DISP2: variants seen among roughly 807,000 people sequenced by gnomAD.
The protein encoded by DISP2 is protein dispatched homolog 2.
Under a neutral mutation model 95.5 loss-of-function variants are expected in DISP2, and 59 were observed. The ratio of observed to expected loss-of-function variants is 0.62; its 90% CI spans 0.50 to 0.77. The LOEUF is 0.77. Among genes scored for constraint, DISP2 ranks in the 30% least tolerant of loss-of-function variants. DISP2 has a pLI of 0.00. For synonymous variants in DISP2, 827 were observed against 815.0 expected (o/e 1.01, Z -0.25); for missense variants, 1,752 against 1,854.6 (o/e 0.94, Z 1.02).
rs1259867435 is a variant in DISP2, at chr15:40,368,087, C to T, written c.1975C>T (p.Arg659Trp). ...CGGCTGTGCGCGCCGGGCGCGGGGC[C>T]GGTGGGAGGGCAGCGCGCCCCGGCG... Reference protein sequence around the residue: ...ARGCARRARGRWEGSAPRRLL... With the variant: ...ARGCARRARGWWEGSAPRRLL... The change falls in exon 8 of 8, where the codon CGG becomes TGG. Residue 659 changes from arginine to tryptophan, a missense_variant. Around this residue, in one of 5 missense-constraint regions of DISP2, gnomAD observed 732 missense variants for 714.6 expected, o/e 1.02. Transcript: ENST00000267889. 2 of 1,367,202 alleles carry T rather than the reference C, an allele frequency of 1.5e-6. No individual in the cohort carries two copies. Among genetic ancestry groups the T allele is most frequent in the East Asian group, 3.0e-5 (1 of 32,902 alleles). The allele number at this position is 1,367,202 out of a possible 1,614,324, so 84.7% of individuals were successfully genotyped here. A position where few individuals can be genotyped will look rare whatever the true frequency, so the allele number is the denominator to read the frequency against.
In DISP2 at chr15:40,368,313, C is replaced by T; in HGVS notation, c.2201C>T (p.Pro734Leu). 1 of 1,604,246 alleles carries T rather than the reference C, an allele frequency of 6.2e-7. No individual in the cohort carries two copies. Among genetic ancestry groups the T allele is most frequent in the Non-Finnish European group, 8.5e-7 (1 of 1,176,856 alleles). ...CGCCTGCGGCTGCCCACGCTGCCGCCGCCCGGCGGCCAGGTCTTCCGGCCC... is the reference window on the plus strand; with the variant it reads ...CGCCTGCGGCTGCCCACGCTGCCGCTGCCCGGCGGCCAGGTCTTCCGGCCC... Reference protein sequence around the residue: ...SPRLRLPTLPPPGGQVFRPSH... With the variant: ...SPRLRLPTLPLPGGQVFRPSH... Residue 734 changes from proline (P) to leucine (L), a missense_variant, in exon 8 of 8, where the codon CCG (proline) becomes CTG (leucine). Physicochemically the swap from Pro to Leu is moderately conservative, Grantham distance 98. This residue lies in a region of DISP2 where 732 missense variants were observed against 714.6 expected (regional missense o/e 1.02). Transcript: ENST00000267889.
chr15:40,373,525 G>A lies in DISP2; in HGVS notation c.*3207G>A, dbSNP rs894660554. On this transcript the variant is annotated 3_prime_UTR_variant, in exon 8 of 8. Coordinates refer to ENST00000267889, the MANE Select transcript of DISP2 (RefSeq NM_033510.3). The stretch of plus-strand genomic sequence containing the variant: ...TTGAGACCAGCCTGGCCAACATGGT[G>A]AAACCCCGCCTCTACTAAAAATACA... 2 of 151,650 alleles carry A rather than the reference G, an allele frequency of 1.3e-5. No individual in the cohort carries two copies. The highest frequency in any genetic ancestry group is 4.8e-5 in the African/African-American group (2 of 41,244). The allele number at this position is 151,650 out of a possible 1,614,324, so 9.4% of individuals were successfully genotyped here.
chr15:40,361,286 A>C (rs1406936142), intron 1 of DISP2, among the ~76,000 whole-genome samples: 2 of 152,348 alleles, frequency 1.3e-5, no homozygotes, highest in East Asian at 3.9e-4. Flanking sequence ...AGAAGTTCTA[A>C]AATGGAGATA....
chr15:40,369,728 C>A lies in DISP2; in HGVS notation c.3616C>A (p.Arg1206=), dbSNP rs1353115233. The A allele has an allele frequency of 6.2e-7, 1 of 1,610,156 alleles. No homozygotes were observed. The highest frequency in any genetic ancestry group is 2.2e-5 in the East Asian group (1 of 44,876). The change falls in exon 8 of 8, where the codon CGG becomes AGG. Residue 1206 remains arginine, a synonymous_variant. Transcript: ENST00000267889. ...GCTCCATGATGGTCCGTGCTGTTCC[C>A]GGCCCCCACCAGCCCCTGCCTCCCC... The part of the protein sequence containing the change: ...LQLHDGPCCS[R]PPPAPASPRE...
In DISP2 at chr15:40,377,579, AGCAAGT is replaced by A. The variant is rs1889747950; in HGVS notation, c.*7263_*7268del. ...TTTCACGGAGGGAGAACCCAGGCAA[AGCAAGT>A]GACTCTGAGGTGAGGGGATAGCTGG... On this transcript the variant is annotated 3_prime_UTR_variant, in exon 8 of 8. Coordinates refer to ENST00000267889, the MANE Select transcript of DISP2 (RefSeq NM_033510.3). The A allele has an allele frequency of 6.6e-6, 1 of 152,354 alleles. No homozygotes were observed. The highest frequency in any genetic ancestry group is 2.4e-5 in the African/African-American group (1 of 41,440). 9.4% of individuals were successfully genotyped at this position (152,354 alleles called of 1,614,324 possible). A position where few individuals can be genotyped will look rare whatever the true frequency, so the allele number is the denominator to read the frequency against.
chr15:40,365,123 G>T, intron 5 of DISP2, 24 bp from the exon 6 acceptor site: 5 of 1,610,672 alleles, frequency 3.1e-6, no homozygotes, highest in Non-Finnish European at 4.2e-6. Context: ...ATGGTGCCTG[G>T]CATAGATATT....
chr15:40,361,405 C>T lies in DISP2; in HGVS notation c.120-2220C>T, dbSNP rs1390663662. On this transcript the variant is annotated intron_variant, in intron 1 of 7. Coordinates refer to ENST00000267889, the MANE Select transcript of DISP2 (RefSeq NM_033510.3). ...GGAAGGGGCAGGAAAGCAAACGTGTCTTCCACGTGACAGACCCTGTGCCAG... is the reference window on the plus strand; with the variant it reads ...GGAAGGGGCAGGAAAGCAAACGTGTTTTCCACGTGACAGACCCTGTGCCAG... 2.0e-5 allele frequency among the ~76,000 whole-genome samples: 3 copies of T among 152,380 alleles called. No individual in the cohort carries two copies. In the East Asian group the frequency reaches 5.8e-4, roughly 29 times the overall value.
Position 40,374,014 on chromosome 15 carries a change from A to AAAAAAAAAAAAAAAAAATAAATATATAT in DISP2, c.*3697_*3698insAAAAAAAAAAAAAAAATAAATATATATA. The AAAAAAAAAAAAAAAAAATAAATATATAT allele has an allele frequency of 9.6e-6, 1 of 104,196 alleles. No individual in the cohort carries two copies. Among genetic ancestry groups the AAAAAAAAAAAAAAAAAATAAATATATAT allele is most frequent in the African/African-American group, 4.2e-5 (1 of 23,942 alleles). 6.5% of individuals were successfully genotyped at this position (104,196 alleles called of 1,614,324 possible). A position where few individuals can be genotyped will look rare whatever the true frequency, so the allele number is the denominator to read the frequency against. On this transcript the variant is annotated 3_prime_UTR_variant, in exon 8 of 8. Coordinates refer to ENST00000267889, the MANE Select transcript of DISP2 (RefSeq NM_033510.3). ...GCGAGACTCCATCTTAAAAAAAAAAAATATATATATATATATATGTAAACT... is the reference window on the plus strand; with the variant it reads ...GCGAGACTCCATCTTAAAAAAAAAAAAAAAAAAAAAAAAAAAATAAATATATATATATATATATATATATATGTAAACT...
chr15:40,369,071 C>T lies in DISP2; in HGVS notation c.2959C>T (p.Pro987Ser), dbSNP rs144947879. 1.2e-6 allele frequency: 2 copies of T among 1,613,954 alleles called. No individual in the cohort carries two copies. Among genetic ancestry groups the T allele is most frequent in the South Asian group, 1.1e-5 (1 of 91,096 alleles). The change falls in exon 8 of 8, where the codon CCC (proline) becomes TCC (serine). Residue 987 changes from proline to serine, a missense_variant. Pro to Ser is a moderately conservative substitution (Grantham distance 74). Around this residue, in one of 5 missense-constraint regions of DISP2, gnomAD observed 317 missense variants for 394.9 expected, o/e 0.80. Coordinates refer to ENST00000267889, the MANE Select transcript of DISP2 (RefSeq NM_033510.3). ...ATLLLGTWNV[P>S]LSLFSVAAVA... ...ACTGCTCCTGGGCACCTGGAATGTT[C>T]CCCTCAGCCTATTCTCCGTGGCAGC...
At chr15:40,364,286 G>A in intron 3 of DISP2, 31 bp downstream of exon 3, 1 of 1,614,074 alleles carries the variant, frequency 6.2e-7, no homozygotes, top group South Asian at 1.1e-5. Context: ...GACCTCTAGG[G>A]GTGACCAGGC....
Position 40,358,404 on chromosome 15 carries a change from G to A in DISP2, c.83G>A (p.Gly28Glu). The A allele has an allele frequency of 7.4e-7, 1 of 1,347,496 alleles. No homozygotes were observed. The highest frequency in any genetic ancestry group is 9.5e-7 in the Non-Finnish European group (1 of 1,053,454). The allele number at this position is 1,347,496 out of a possible 1,614,324, so 83.5% of individuals were successfully genotyped here. The change falls in exon 1 of 8, where the codon GGG becomes GAG. Residue 28 changes from glycine to glutamate, a missense_variant. Gly to Glu is a moderately conservative substitution (Grantham distance 98). This residue lies in a region of DISP2 where 342 missense variants were observed against 364.3 expected (regional missense o/e 0.94). Transcript: ENST00000267889. ...CCGGAAGGGGAGCAACGGCCCGAGG[G>A]GGAGCCCTTGGCCCCAGACGGCGGC... ...PGPEGEQRPEGEPLAPDGGSP... is the reference protein window; with the variant it reads ...PGPEGEQRPEEEPLAPDGGSP...
Position 40,374,183 on chromosome 15 carries a change from T to C in DISP2, c.*3865T>C, listed in dbSNP as rs1380375377. On this transcript the variant is annotated 3_prime_UTR_variant, in exon 8 of 8. Transcript: ENST00000267889. ...ATATAGCATATCCCATACCATGATA[T>C]GCGGGCAATATTCCAGCTTGAGACA... The C allele has an allele frequency of 6.6e-6, 1 of 150,752 alleles. No individual in the cohort carries two copies. The highest frequency in any genetic ancestry group is 6.6e-5 in the Admixed American group (1 of 15,122). The allele number at this position is 150,752 out of a possible 1,614,324, so 9.3% of individuals were successfully genotyped here. A position where few individuals can be genotyped will look rare whatever the true frequency, so the allele number is the denominator to read the frequency against.
Position 40,364,671 on chromosome 15 carries a change from T to C in DISP2, c.603+127T>C, listed in dbSNP as rs940692650. The C allele has an allele frequency of 6.1e-5, 90 of 1,473,620 alleles. No individual in the cohort carries two copies. The African/African-American group carries it at 1.1e-3, about 18-fold the overall frequency. The allele number at this position is 1,473,620 out of a possible 1,614,324, so 91.3% of individuals were successfully genotyped here. A position where few individuals can be genotyped will look rare whatever the true frequency, so the allele number is the denominator to read the frequency against. On this transcript the variant is annotated intron_variant, in intron 4 of 7. Coordinates refer to ENST00000267889, the MANE Select transcript of DISP2 (RefSeq NM_033510.3). ...GGGTAGCCATGGTAGGCTCTTGACC[T>C]CCAGAGAGAGTTGGGGAGATGGTAT...
chr15:40,359,301 G>T (rs1889370611), intron 1 of DISP2, among the ~76,000 whole-genome samples: 1 of 152,242 alleles, frequency 6.6e-6, no homozygotes, highest in South Asian at 2.1e-4. Context: ...AATAGCAGAA[G>T]TGGACACATC....
At position 40,368,630 on chromosome 15, in the gene DISP2, A is replaced by G. The variant is rs1889563603; in HGVS notation, c.2518A>G (p.Thr840Ala). 1.6e-5 allele frequency: 26 copies of G among 1,608,448 alleles called. No homozygotes were observed. The highest frequency in any genetic ancestry group is 1.9e-5 in the Non-Finnish European group (23 of 1,179,922). ...CTGGCCCACGCTGTGTTTCGTGGAG[A>G]CCCTCCAGCGCTGGATGGAGAGCCC... ...EGWPTLCFVE[T>A]LQRWMESPSC... Residue 840 changes from threonine to alanine, a missense_variant, in exon 8 of 8, where the codon ACC becomes GCC. By Grantham distance (58) the Thr-to-Ala change is moderately conservative. This residue lies in a region of DISP2 where 317 missense variants were observed against 394.9 expected (regional missense o/e 0.80). Transcript: ENST00000267889.
At position 40,369,482 on chromosome 15, in the gene DISP2, C is replaced by T; in HGVS notation, c.3370C>T (p.Leu1124Phe). Residue 1124 changes from leucine to phenylalanine, a missense_variant, in exon 8 of 8, where the codon CTC (leucine) becomes TTC (phenylalanine). Transcript: ENST00000267889. ...GCCAGAGAAGAACTGTGGGCAGATC[C>T]TCTGGCCCTGTGCCCACCTGCCATG... ...FGPEKNCGQI[L>F]WPCAHLPWDA... 1 of 1,613,254 alleles carries T rather than the reference C, an allele frequency of 6.2e-7. No individual in the cohort carries two copies. Among genetic ancestry groups the T allele is most frequent in the Non-Finnish European group, 8.5e-7 (1 of 1,180,018 alleles).
At position 40,369,652 on chromosome 15, in the gene DISP2, A is replaced by G. The variant is rs761926276; in HGVS notation, c.3540A>G (p.Thr1180=). 6.2e-6 allele frequency: 10 copies of G among 1,611,850 alleles called. No individual in the cohort carries two copies. The highest frequency in any genetic ancestry group is 8.5e-6 in the Non-Finnish European group (10 of 1,179,972). Residue 1180 remains threonine (T), a synonymous_variant, in exon 8 of 8, where the codon ACA becomes ACG. Transcript: ENST00000267889. ...RRRSPSFDTS[T]ATSKLSHRPS... ...GGAGCCCCAGCTTTGACACCAGCAC[A>G]GCCACCAGCAAGCTGTCCCACCGGC...
At chr15:40,365,025 T>C in intron 5 of DISP2, 72 bp downstream of exon 5, 1 of 1,599,024 alleles carries the variant, frequency 6.3e-7, no homozygotes, top group East Asian at 2.2e-5. Flanking sequence ...GGACATTGGG[T>C]GACCCACCCC....
chr15:40,365,861 C>T, intron 7 of DISP2, 136 bp downstream of exon 7: 1 of 870,498 alleles, frequency 1.1e-6, no homozygotes, highest in Non-Finnish European at 1.8e-6. Flanking sequence ...GAAAATTATT[C>T]CAACCCTGCT....
Sources: allele counts gnomAD v4.1 joint callset (sites outside exome capture counted in the v4.1 genomes callset), GRCh38; gene constraint gnomAD v4.1.1; regional missense constraint gnomAD v4.1.1; transcripts MANE v1.5; gene names NCBI Gene and HGNC (gene_info 2026-07-23, HGNC 2026-07-21).